The following ARHGAP24 variants were observed in gnomAD, a reference collection of about 807,000 sequenced individuals.
ARHGAP24 encodes the protein rho GTPase-activating protein 24.
In ARHGAP24, 50 loss-of-function variants were observed where a neutral mutation model predicts 76.4. The observed-to-expected ratio is 0.65, with a 90% confidence interval of 0.52 to 0.83. ARHGAP24 has a LOEUF of 0.83. ARHGAP24 is among the 40% of genes least tolerant of loss of function. The probability of loss-of-function intolerance (pLI) is 0.00; values close to 1 mark genes in which losing one functional copy is unlikely to be tolerated. For missense variants in ARHGAP24, 930 were observed against 914.2 expected (o/e 1.02, Z -0.22); for synonymous variants, 345 against 323.3 (o/e 1.07, Z -0.72).
At chr4:85,832,396 CTT>C (rs1730039142) in intron 3 of ARHGAP24, among the ~76,000 whole-genome samples, 1 of 152,166 alleles carries the variant, frequency 6.6e-6, no homozygotes, top group African/African-American at 2.4e-5. Flanking sequence ...CCAGGTGGGT[CTT>C]TTACTATTAT....
At chr4:85,555,584 C>G (rs1261048453) in intron 1 of ARHGAP24, among the ~76,000 whole-genome samples, 1 of 152,216 alleles carries the variant, frequency 6.6e-6, no homozygotes, top group Non-Finnish European at 1.5e-5. Flanking sequence ...CTCTCCCACT[C>G]AAGTCCTGGC....
At chr4:85,578,114 C>T (rs1727462793) in intron 2 of ARHGAP24, among the ~76,000 whole-genome samples, 1 of 152,204 alleles carries the variant, frequency 6.6e-6, no homozygotes, top group Non-Finnish European at 1.5e-5. Flanking sequence ...GTACAGTTCA[C>T]TGTGAAGGAA....
intron 3 of ARHGAP24, among the ~76,000 whole-genome samples, chr4:85,915,789 A>G (rs947501782): frequency 2.6e-5 from 4 of 152,176 alleles, no homozygotes; most frequent in African/African-American, 9.7e-5. Context: ...CATGCTGTAT[A>G]TGTGCCACAT....
chr4:85,963,144 G>C (rs1369787931), intron 5 of ARHGAP24, among the ~76,000 whole-genome samples: 1 of 151,884 alleles, frequency 6.6e-6, no homozygotes, highest in Non-Finnish European at 1.5e-5. Context: ...TAATTATATA[G>C]ATCATTGATA....
intron 2 of ARHGAP24, among the ~76,000 whole-genome samples, chr4:85,625,310 T>A (rs932492305): frequency 9.9e-5 from 15 of 152,252 alleles, no homozygotes; most frequent in African/African-American, 3.6e-4. Context: ...TCATTATTTC[T>A]GCCTTCATTT....
Position 85,525,486 on chromosome 4 carries a change from A to G in ARHGAP24, c.-20-45036A>G, listed in dbSNP as rs553324457. On this transcript the variant is annotated intron_variant, in intron 1 of 9. Transcript: ENST00000395184. The stretch of plus-strand genomic sequence containing the variant: ...TTACGCAGTTCTGATGAGTTTTATA[A>G]AAAAAAAAAGTAAGCATGGAAAGTC... Among the ~76,000 whole-genome samples, 8 of 149,368 alleles carry G rather than the reference A, an allele frequency of 5.4e-5. No homozygotes were observed. The South Asian group carries it at 1.7e-3, about 31-fold the overall frequency.
intron 1 of ARHGAP24, among the ~76,000 whole-genome samples, chr4:85,485,947 C>A (rs963417794): frequency 5.9e-5 from 9 of 152,038 alleles, no homozygotes; most frequent in African/African-American, 2.2e-4. Flanking sequence ...CCATGTTGGC[C>A]AGGCTGGTCT....
At chr4:85,521,748 T>C (rs1560518385) in intron 1 of ARHGAP24, among the ~76,000 whole-genome samples, 1 of 152,196 alleles carries the variant, frequency 6.6e-6, no homozygotes, top group Non-Finnish European at 1.5e-5. Flanking sequence ...AAAATTCTGT[T>C]ACAAGCATAG....
At chr4:85,683,338 T>C (rs1396257402) in intron 2 of ARHGAP24, among the ~76,000 whole-genome samples, 1 of 152,210 alleles carries the variant, frequency 6.6e-6, no homozygotes, top group Non-Finnish European at 1.5e-5. Flanking sequence ...GATTAAATTC[T>C]ATCCTAGCCC....
chr4:85,941,496 A>C (rs977503404), intron 4 of ARHGAP24, among the ~76,000 whole-genome samples: 1 of 152,222 alleles, frequency 6.6e-6, no homozygotes, highest in South Asian at 2.1e-4. Context: ...ATAAGTTAAT[A>C]GTTTAAGACA....
chr4:85,784,905 CTCTATCTATCTATCTATCTATCTA>C (rs59888935), intron 3 of ARHGAP24, among the ~76,000 whole-genome samples: 34 of 147,772 alleles, frequency 2.3e-4, no homozygotes, highest in African/African-American at 5.3e-4. Context: ...GATTATATAT[CTCTATCTATCTATCTATCTATCTA>C]TCTATCTATC....
Position 85,561,504 on chromosome 4 carries a change from C to T in ARHGAP24, c.-20-9018C>T, listed in dbSNP as rs77909311. Among the ~76,000 whole-genome samples, 149 of 138,774 alleles carry T rather than the reference C, an allele frequency of 1.1e-3. 1 individual carries two copies. The East Asian group carries it at 0.023, about 21-fold the overall frequency. The allele number at this position is 138,774 out of a possible 152,430, so 91.0% of individuals were successfully genotyped here. ...CAGAAAGTGAACTGAGAAAACTCAT[C>T]TGTTTTCTTTAGTTAGCAGTTACTT... On this transcript the variant is annotated intron_variant, in intron 1 of 9. Coordinates refer to ENST00000395184, the MANE Select transcript of ARHGAP24 (RefSeq NM_001025616.3).
intron 1 of ARHGAP24, among the ~76,000 whole-genome samples, chr4:85,495,966 C>T (rs899562511): frequency 2.6e-5 from 4 of 152,128 alleles, no homozygotes; most frequent in Non-Finnish European, 5.9e-5. Flanking sequence ...TTGTAGCTCC[C>T]CAAACCCTAG....
intron 4 of ARHGAP24, among the ~76,000 whole-genome samples, chr4:85,933,600 G>A (rs984924334): frequency 1.3e-5 from 2 of 152,212 alleles, no homozygotes; most frequent in Admixed American, 1.3e-4. Context: ...GCTCGGGATT[G>A]TGGTGCTTTG....
chr4:85,807,951 A>G (rs115828032), intron 3 of ARHGAP24, among the ~76,000 whole-genome samples: 3,014 of 152,110 alleles, frequency 0.02, 104 homozygotes, highest in African/African-American at 0.069. Context: ...CTGTATCCCA[A>G]ATAAATTCAC....
chr4:85,879,631 C>T (rs558182786), intron 3 of ARHGAP24, among the ~76,000 whole-genome samples: 1 of 151,550 alleles, frequency 6.6e-6, no homozygotes, highest in South Asian at 2.1e-4. Flanking sequence ...ACTAGTCCTC[C>T]CTTCTCTGTG....
chr4:85,849,461 C>G (rs1731091640), intron 3 of ARHGAP24, among the ~76,000 whole-genome samples: 1 of 152,180 alleles, frequency 6.6e-6, no homozygotes, highest in East Asian at 1.9e-4. Context: ...CCTGATTGCC[C>G]TGGCCAGAAC....
intron 3 of ARHGAP24, among the ~76,000 whole-genome samples, chr4:85,831,664 G>A (rs1729998880): frequency 1.3e-5 from 2 of 152,126 alleles, no homozygotes; most frequent in Admixed American, 6.6e-5. Context: ...CACTTTGGGA[G>A]GCCAGGGTGG....
chr4:85,488,226 T>C (rs1723221474), intron 1 of ARHGAP24, among the ~76,000 whole-genome samples: 1 of 151,960 alleles, frequency 6.6e-6, no homozygotes, highest in Non-Finnish European at 1.5e-5. Context: ...CTCCGACTTT[T>C]TTTTTGCTAA....
Sources: allele counts gnomAD v4.1 joint callset (sites outside exome capture counted in the v4.1 genomes callset), GRCh38; gene constraint gnomAD v4.1.1; transcripts MANE v1.5; gene names NCBI Gene and HGNC (gene_info 2026-07-23, HGNC 2026-07-21).